The following CXADR variants were observed in gnomAD, a reference collection of about 807,000 sequenced individuals.
CXADR encodes CXADR cell adhesion molecule, also known as coxsackievirus and adenovirus receptor.
Under a neutral mutation model 40.3 loss-of-function variants are expected in CXADR, and 20 were observed. That is an observed-to-expected ratio of 0.50 (90% CI 0.35 to 0.72). The LOEUF (loss-of-function observed/expected upper bound fraction) is 0.72. Among genes scored for constraint, CXADR ranks in the 30% least tolerant of loss-of-function variants. CXADR has a pLI of 0.01. For missense variants in CXADR, 332 were observed against 449.1 expected, an observed-to-expected ratio of 0.74 and a Z score of 2.36; for synonymous variants, 150 against 161.3, an observed-to-expected ratio of 0.93 and a Z score of 0.53.
At chr21:17,524,043 C>CGTGTGTGTGTGTGCGTGT (rs2060564805) in intron 1 of CXADR, among the ~76,000 whole-genome samples, 1 of 144,720 alleles carries the variant, frequency 6.9e-6, no homozygotes, top group Admixed American at 6.9e-5. Flanking sequence ...TGTGTGTGTG[C>CGTGTGTGTGTGTGCGTGT]GTGTGTGTGT....
intron 7 of CXADR, among the ~76,000 whole-genome samples, chr21:17,591,591 GAACT>G (rs1025409169): frequency 7.4e-5 from 11 of 149,122 alleles, no homozygotes; most frequent in African/African-American, 1.9e-4. Flanking sequence ...TAATGTGATA[GAACT>G]TACTAAAACT....
chr21:17,604,238 TGA>T, the CXADR span: 5 of 538,366 alleles, frequency 9.3e-6, no homozygotes, highest in Non-Finnish European at 1.2e-5. Flanking sequence ...GTCAGGAGTT[TGA>T]GAGCAGTCTG....
At chr21:17,631,798 T>C in the CXADR span, among the ~76,000 whole-genome samples, 1 of 152,170 alleles carries the variant, frequency 6.6e-6, no homozygotes, top group Non-Finnish European at 1.5e-5. Context: ...CAGCTACCCC[T>C]ACGTGTGGTA....
At chr21:17,606,413 ATT>A in the CXADR span, among the ~76,000 whole-genome samples, 1 of 152,124 alleles carries the variant, frequency 6.6e-6, no homozygotes, top group Admixed American at 6.5e-5. Context: ...GAGAAAAATT[ATT>A]TTCTAGTATG....
chr21:17,572,097 C>T (rs769937179), downstream of CXADR, among the ~76,000 whole-genome samples: 1 of 152,002 alleles, frequency 6.6e-6, no homozygotes, highest in Non-Finnish European at 1.5e-5. Flanking sequence ...TTGGGTGGCT[C>T]ACGCCTGTAA....
the CXADR span, among the ~76,000 whole-genome samples, chr21:17,623,502 C>T: frequency 4.5e-4 from 69 of 152,228 alleles, 1 homozygote; most frequent in Admixed American, 3.9e-4. Flanking sequence ...CATTCATTTC[C>T]TCTGTGTTTG....
chr21:17,632,069 C>T, the CXADR span, among the ~76,000 whole-genome samples: 8 of 152,140 alleles, frequency 5.3e-5, no homozygotes, highest in Non-Finnish European at 1.2e-4. Context: ...CTTCGGCCTG[C>T]CAAAGTGCTT....
the CXADR span, among the ~76,000 whole-genome samples, chr21:17,617,844 T>A: frequency 3.3e-5 from 5 of 152,178 alleles, no homozygotes; most frequent in Non-Finnish European, 7.4e-5. Flanking sequence ...GTTTGCTCCA[T>A]TGATTGACTC....
At chr21:17,616,270 A>G in the CXADR span, among the ~76,000 whole-genome samples, 17 of 151,720 alleles carry the variant, frequency 1.1e-4, no homozygotes, top group South Asian at 3.5e-3. Context: ...AAAGAAGGAA[A>G]AAAAAACAGT....
chr21:17,578,858 T>A (rs1170270050), intron 7 of CXADR, among the ~76,000 whole-genome samples: 9 of 152,058 alleles, frequency 5.9e-5, no homozygotes, highest in African/African-American at 2.2e-4. Flanking sequence ...AGCAGTACAT[T>A]TTGCATATAC....
intron 7 of CXADR, among the ~76,000 whole-genome samples, chr21:17,575,788 TA>T (rs201092292): frequency 4.1e-5 from 6 of 148,002 alleles, no homozygotes; most frequent in South Asian, 2.2e-4. Flanking sequence ...TTTTTAAAGT[TA>T]AAAAAAAATG....
At chr21:17,634,569 T>C in the CXADR span, among the ~76,000 whole-genome samples, 1 of 152,204 alleles carries the variant, frequency 6.6e-6, no homozygotes, top group Non-Finnish European at 1.5e-5. Context: ...TATTTATGTA[T>C]TCTCCAATAC....
intron 1 of CXADR, among the ~76,000 whole-genome samples, chr21:17,538,032 C>A (rs977157600): frequency 1.3e-5 from 2 of 151,544 alleles, no homozygotes; most frequent in Non-Finnish European, 2.9e-5. Flanking sequence ...GATGGAGTCT[C>A]TCTCTGTTGC....
chr21:17,634,194 T>C, the CXADR span, among the ~76,000 whole-genome samples: 1 of 152,176 alleles, frequency 6.6e-6, no homozygotes, highest in South Asian at 2.1e-4. Context: ...GAGTATGATC[T>C]TCAGAGGAGA....
chr21:17,532,390 C>A (rs1203255983), intron 1 of CXADR, among the ~76,000 whole-genome samples: 4 of 151,796 alleles, frequency 2.6e-5, no homozygotes, highest in Admixed American at 2.0e-4. Flanking sequence ...TTTCCTTGAC[C>A]ACATATCATA....
At chr21:17,618,798 G>A in the CXADR span, among the ~76,000 whole-genome samples, 19 of 152,134 alleles carry the variant, frequency 1.2e-4, no homozygotes, top group African/African-American at 3.4e-4. Context: ...GCCTCACAAA[G>A]TGCTAGGATT....
At chr21:17,541,950 C>T (rs564613162) in intron 1 of CXADR, 8 of 284,388 alleles carry the variant, frequency 2.8e-5, no homozygotes, top group Non-Finnish European at 5.5e-5. Flanking sequence ...GATACTTTGA[C>T]ATTATGTAAC....
chr21:17,534,789 C>CTTTTTTTTTTTTTTTTTTTTTTTT (rs11427595), intron 1 of CXADR, among the ~76,000 whole-genome samples: 2 of 131,928 alleles, frequency 1.5e-5, no homozygotes, highest in East Asian at 2.4e-4. Flanking sequence ...TATTTTCTTC[C>CTTTTTTTTTTTTTTTTTTTTTTTT]TTTTTTTTTT....
At chr21:17,530,669 C>T (rs1478470900) in intron 1 of CXADR, among the ~76,000 whole-genome samples, 1 of 152,050 alleles carries the variant, frequency 6.6e-6, no homozygotes, top group Admixed American at 6.5e-5. Flanking sequence ...CAAAAATTAG[C>T]CGGGCGTGGT....
Sources: allele counts gnomAD v4.1 joint callset (sites outside exome capture counted in the v4.1 genomes callset), GRCh38; gene constraint gnomAD v4.1.1; transcripts MANE v1.5; gene names NCBI Gene and HGNC (gene_info 2026-07-23, HGNC 2026-07-21).